The following SMYD3 variants were observed in gnomAD, a reference collection of about 807,000 sequenced individuals.
SMYD3 encodes the protein histone-lysine N-methyltransferase SMYD3.
Under a neutral mutation model 57.7 loss-of-function variants are expected in SMYD3, and 36 were observed. That is an observed-to-expected ratio of 0.62 (90% CI 0.48 to 0.82). SMYD3 has a LOEUF of 0.82. SMYD3 is among the 40% of genes least tolerant of loss of function. The pLI, the probability that SMYD3 is intolerant of heterozygous loss-of-function variation, is 0.00. For missense variants in SMYD3, 515 were observed against 538.8 expected (o/e 0.96, Z 0.44); for synonymous variants, 211 against 195.0 (o/e 1.08, Z -0.68).
At chr1:246,329,594 C>A (rs1418603973) in intron 4 of SMYD3, among the ~76,000 whole-genome samples, 1 of 152,000 alleles carries the variant, frequency 6.6e-6, no homozygotes, top group Non-Finnish European at 1.5e-5. Flanking sequence ...GATATTAGCC[C>A]TTTGTCAGAT....
At chr1:246,194,752 T>C (rs1221254690) in intron 5 of SMYD3, among the ~76,000 whole-genome samples, 1 of 152,230 alleles carries the variant, frequency 6.6e-6, no homozygotes, top group Non-Finnish European at 1.5e-5. Context: ...GTTTGATACA[T>C]GAAAACGGCT....
intron 7 of SMYD3, among the ~76,000 whole-genome samples, chr1:245,926,696 A>G (rs1332792919): frequency 6.6e-6 from 1 of 152,240 alleles, no homozygotes; most frequent in Non-Finnish European, 1.5e-5. Flanking sequence ...GAAAATTCCA[A>G]CCAACTCTAA....
intron 7 of SMYD3, among the ~76,000 whole-genome samples, chr1:245,920,173 C>T (rs1008287257): frequency 3.9e-5 from 6 of 151,960 alleles, no homozygotes; most frequent in Admixed American, 6.6e-5. Flanking sequence ...ATTAGCCAGG[C>T]GTGGTGGCGG....
intron 5 of SMYD3, among the ~76,000 whole-genome samples, chr1:246,048,263 T>C (rs1169896474): frequency 1.3e-5 from 2 of 152,198 alleles, no homozygotes; most frequent in Non-Finnish European, 2.9e-5. Context: ...ACTGGTAAAA[T>C]ACATTGTGGG....
At chr1:246,283,414 G>A (rs900440753) in intron 5 of SMYD3, among the ~76,000 whole-genome samples, 1 of 152,110 alleles carries the variant, frequency 6.6e-6, no homozygotes, top group Non-Finnish European at 1.5e-5. Context: ...TGAACAAAGA[G>A]AAAGGACCTC....
intron 5 of SMYD3, among the ~76,000 whole-genome samples, chr1:246,173,227 T>A (rs1403358413): frequency 6.6e-6 from 1 of 151,874 alleles, no homozygotes; most frequent in African/African-American, 2.4e-5. Flanking sequence ...GTAGACTTCA[T>A]CAACACTACA....
intron 8 of SMYD3, among the ~76,000 whole-genome samples, chr1:245,871,252 G>C (rs951991836): frequency 2.6e-5 from 4 of 152,160 alleles, no homozygotes; most frequent in African/African-American, 9.7e-5. Flanking sequence ...CTTTGACTGA[G>C]GTAGTCTGGT....
chr1:246,113,050 T>C (rs1326445073), intron 5 of SMYD3, among the ~76,000 whole-genome samples: 1 of 151,946 alleles, frequency 6.6e-6, no homozygotes. Flanking sequence ...GGTGTGGTGG[T>C]ATGAGCCTGT....
intron 10 of SMYD3, among the ~76,000 whole-genome samples, chr1:245,785,327 A>G (rs1206863541): frequency 6.6e-6 from 1 of 152,132 alleles, no homozygotes; most frequent in Non-Finnish European, 1.5e-5. Flanking sequence ...AAAATCCTCC[A>G]CTAAAGTAAT....
At chr1:246,499,218 C>T (rs1478203715) in intron 1 of SMYD3, among the ~76,000 whole-genome samples, 2 of 151,480 alleles carry the variant, frequency 1.3e-5, no homozygotes, top group Non-Finnish European at 2.9e-5. Flanking sequence ...GCAGGACAAT[C>T]GCTTGAACCC....
intron 5 of SMYD3, among the ~76,000 whole-genome samples, chr1:246,268,966 A>G (rs5001460): frequency 0.33 from 50,616 of 151,704 alleles, 9,227 homozygotes; most frequent in East Asian, 0.72. Context: ...AATTAACCCT[A>G]AAGTAGCTGA....
intron 5 of SMYD3, among the ~76,000 whole-genome samples, chr1:246,062,285 C>A (rs185325866): frequency 1.3e-5 from 2 of 152,226 alleles, no homozygotes; most frequent in Admixed American, 1.3e-4. Flanking sequence ...ATTTGGGGAT[C>A]TTTATAGTCT....
rs112342407 is a variant in SMYD3 at position 245,974,533 on chromosome 1, C to T, written c.532-44596G>A. Reference sequence around the variant, plus strand: ...CCAGGGAAAGCCATCGTCTCCGGCCCAGGGAAAGCCATCGTCTCCGGCCCA... The same window carrying T: ...CCAGGGAAAGCCATCGTCTCCGGCCTAGGGAAAGCCATCGTCTCCGGCCCA... On this transcript the variant is annotated intron_variant, in intron 5 of 11. Coordinates refer to ENST00000490107, the MANE Select transcript of SMYD3 (RefSeq NM_001167740.2). Among the ~76,000 whole-genome samples, 241 of 88,402 alleles carry T rather than the reference C, an allele frequency of 2.7e-3. 1 individual carries two copies. Among genetic ancestry groups the T allele is most frequent in the Middle Eastern group, 0.017 (2 of 116 alleles). The allele number at this position is 88,402 out of a possible 152,430, so 58.0% of individuals were successfully genotyped here.
chr1:246,310,599 C>A (rs1158186196), intron 5 of SMYD3, among the ~76,000 whole-genome samples: 1 of 148,906 alleles, frequency 6.7e-6, no homozygotes, highest in African/African-American at 2.5e-5. Flanking sequence ...AGAAACTGTA[C>A]GAGCAAAGCT....
intron 5 of SMYD3, among the ~76,000 whole-genome samples, chr1:246,201,308 A>T (rs2062920359): frequency 6.6e-6 from 1 of 152,184 alleles, no homozygotes. Flanking sequence ...AACCTTATTA[A>T]TAGGGGGTTA....
intron 5 of SMYD3, among the ~76,000 whole-genome samples, chr1:246,009,196 C>CAAGG (rs1356889735): frequency 6.6e-6 from 1 of 152,206 alleles, no homozygotes; most frequent in Non-Finnish European, 1.5e-5. Flanking sequence ...TAGCATCCTT[C>CAAGG]AAGGCGCTCA....
At chr1:246,272,134 G>A (rs1572318234) in intron 5 of SMYD3, among the ~76,000 whole-genome samples, 1 of 152,076 alleles carries the variant, frequency 6.6e-6, no homozygotes, top group Non-Finnish European at 1.5e-5. Flanking sequence ...TTCACGTTGT[G>A]CCCCAATACT....
chr1:246,299,563 C>A (rs2064856468), intron 5 of SMYD3, among the ~76,000 whole-genome samples: 1 of 152,022 alleles, frequency 6.6e-6, no homozygotes, highest in Non-Finnish European at 1.5e-5. Context: ...CAGCACTATT[C>A]ACAATAGAAA....
At chr1:246,463,885 A>G (rs1452599515) in intron 1 of SMYD3, among the ~76,000 whole-genome samples, 3 of 149,328 alleles carry the variant, frequency 2.0e-5, no homozygotes, top group African/African-American at 4.9e-5. Flanking sequence ...AGGTCTGTTT[A>G]GACTGAAATA....
Sources: gnomAD v4.1 joint callset for allele counts (sites outside exome capture counted in the v4.1 genomes callset) on GRCh38, gnomAD v4.1.1 for gene constraint, MANE v1.5 for transcripts, NCBI Gene and HGNC (gene_info 2026-07-23, HGNC 2026-07-21) for gene names.